GTF3C1: variants seen among roughly 807,000 people sequenced by gnomAD.
GTF3C1 encodes general transcription factor IIIC subunit 1.
Under a neutral mutation model 226.7 loss-of-function variants are expected in GTF3C1, and 57 were observed. That is an observed-to-expected ratio of 0.25 (90% confidence interval 0.20 to 0.31). The LOEUF is 0.31. GTF3C1 is among the 10% of genes least tolerant of loss of function. The pLI is 1.00. For synonymous variants in GTF3C1, 1,090 were observed against 1,084.8 expected (o/e 1.00, Z -0.09); for missense variants, 2,217 against 2,776.1 (o/e 0.80, Z 4.53).
At chr16:27,467,255 T>A (rs977867524) in intron 32 of GTF3C1, among the ~76,000 whole-genome samples, 20 of 152,228 alleles carry the variant, frequency 1.3e-4, no homozygotes, top group Non-Finnish European at 2.6e-4. Flanking sequence ...TCATTTCCCA[T>A]CCCCAAATTC....
Position 27,461,442 on chromosome 16 carries a change from T to A in GTF3C1, c.6238A>T (p.Met2080Leu). ...EVPSSLDESP[M>L]AFYEPTLDCT... is the part of the protein sequence containing the mutation. ...TCCAAGGTGGGCTCATAGAAAGCCA[T>A]GGGGCTCTCGTCCAGGCTGGAGGGC... The change falls in exon 37 of 37, where the codon ATG (methionine) becomes TTG (leucine). Residue 2080 changes from methionine to leucine, a missense_variant. Around this residue, in one of 12 missense-constraint regions of GTF3C1, gnomAD observed 153 missense variants for 199.8 expected, o/e 0.77. Coordinates refer to ENST00000356183, the MANE Select transcript of GTF3C1 (RefSeq NM_001520.4). This position sits in a 1 kb window ranked among gnomAD's most constrained non-coding sequence, Gnocchi z 5.3. 8 of 1,613,796 alleles carry A rather than the reference T, an allele frequency of 5.0e-6. No individual in the cohort carries two copies. The highest frequency in any genetic ancestry group is 6.8e-6 in the Non-Finnish European group (8 of 1,179,790).
chr16:27,543,642 C>G (rs1878128882), intron 2 of GTF3C1, among the ~76,000 whole-genome samples: 1 of 152,188 alleles, frequency 6.6e-6, no homozygotes, highest in African/African-American at 2.4e-5. Context: ...AAGTGATCCT[C>G]CTGCCTTGGC....
At chr16:27,477,460 C>T (rs1244710906) in intron 28 of GTF3C1, among the ~76,000 whole-genome samples, 7 of 152,262 alleles carry the variant, frequency 4.6e-5, no homozygotes, top group South Asian at 2.1e-4. Flanking sequence ...GCACCTGCCA[C>T]GCCCAGCTAA....
At chr16:27,546,924 A>G (rs2089172748) in intron 1 of GTF3C1, among the ~76,000 whole-genome samples, 2 of 151,460 alleles carry the variant, frequency 1.3e-5, no homozygotes, top group Non-Finnish European at 2.9e-5. Context: ...CTGCCACCAC[A>G]CCCAGCTAAT....
Position 27,497,737 on chromosome 16 carries a change from G to A in GTF3C1, c.2250C>T (p.Asp750=). The A allele has an allele frequency of 1.2e-6, 2 of 1,613,514 alleles. No individual in the cohort carries two copies. Among genetic ancestry groups the A allele is most frequent in the Non-Finnish European group, 1.7e-6 (2 of 1,179,414 alleles). Residue 750 remains aspartate, a synonymous_variant, in exon 14 of 37, where the codon GAC becomes GAT. Transcript: ENST00000356183. ...ATCTAGAGGAAGCACTCAGCTGAGA[G>A]TCCCCTGATCCACTTGGGCCCTCTT... ...QGKEGPSGSG[D]SQLSASSRSE...
chr16:27,506,552 G>A (rs1019773237), intron 9 of GTF3C1, among the ~76,000 whole-genome samples: 1 of 152,196 alleles, frequency 6.6e-6, no homozygotes, highest in Non-Finnish European at 1.5e-5. Flanking sequence ...ACTTGGAGGA[G>A]TCTTAGACTG....
At chr16:27,537,377 T>A (rs527528341) in intron 4 of GTF3C1, among the ~76,000 whole-genome samples, 76 of 152,336 alleles carry the variant, frequency 5.0e-4, no homozygotes, top group Middle Eastern at 3.4e-3. Flanking sequence ...TGCCATTTTT[T>A]AAAAAAGCTA....
intron 2 of GTF3C1, among the ~76,000 whole-genome samples, chr16:27,540,480 C>G (rs990974314): frequency 6.6e-6 from 1 of 152,234 alleles, no homozygotes; most frequent in African/African-American, 2.4e-5. Flanking sequence ...CTATCCTTCA[C>G]TGACATGATC....
rs1385534343 is a variant in GTF3C1, at chr16:27,489,752, C to A, written c.3152-9G>T. The A allele has an allele frequency of 6.2e-7, 1 of 1,609,380 alleles. No individual in the cohort carries two copies. The highest frequency in any genetic ancestry group is 8.5e-7 in the Non-Finnish European group (1 of 1,179,024). ...CGGGCAGCGCACCACGCCTGGAAAACCAAACATCAGGGTGACCAATCACGC... is the reference window on the plus strand; with the variant it reads ...CGGGCAGCGCACCACGCCTGGAAAAACAAACATCAGGGTGACCAATCACGC... On this transcript the variant is annotated splice_polypyrimidine_tract_variant and intron_variant, in intron 19 of 36. Transcript: ENST00000356183.
At chr16:27,472,782 A>G (rs1346096794) in intron 29 of GTF3C1, among the ~76,000 whole-genome samples, 3 of 152,154 alleles carry the variant, frequency 2.0e-5, no homozygotes, top group African/African-American at 4.8e-5. Flanking sequence ...TTTCCCCTCA[A>G]ATAACAAATC....
chr16:27,515,371 C>T (rs1485381652), intron 6 of GTF3C1, among the ~76,000 whole-genome samples: 1 of 152,000 alleles, frequency 6.6e-6, no homozygotes, highest in African/African-American at 2.4e-5. Flanking sequence ...ATTGCTTGAG[C>T]CCAGGAGTTT....
intron 6 of GTF3C1, among the ~76,000 whole-genome samples, chr16:27,522,920 C>A (rs1055994087): frequency 2.6e-5 from 4 of 152,058 alleles, no homozygotes; most frequent in Non-Finnish European, 5.9e-5. Flanking sequence ...TTCTGTATAC[C>A]GATCTTCTGT....
rs191067635 is a variant in GTF3C1, at chr16:27,462,964, C to T, written c.5925-478G>A. ...AGCCACCCGGGGCCCACGAGTGGGG[C>T]GGACCCAGAAGAGCTGGACACCAGG... is the stretch of plus-strand genomic sequence containing the variant. On this transcript the variant is annotated intron_variant, in intron 35 of 36. Coordinates refer to ENST00000356183, the MANE Select transcript of GTF3C1 (RefSeq NM_001520.4). This position sits in a 1 kb window ranked among gnomAD's most constrained non-coding sequence, Gnocchi z 4.5. 5.2e-5 allele frequency: 9 copies of T among 174,628 alleles called. No individual in the cohort carries two copies. The East Asian group carries it at 9.6e-4, about 19-fold the overall frequency. The allele number at this position is 174,628 out of a possible 1,614,324, so 10.8% of individuals were successfully genotyped here.
Position 27,491,287 on chromosome 16 carries a change from C to T in GTF3C1, c.3151+1051G>A, listed in dbSNP as rs376241436. ...ACTCCTCTTGGAGGTGCAAGCTGAA[C>T]GTGGCTTCCTTTCTCTCCTGGTAGA... On this transcript the variant is annotated intron_variant, in intron 19 of 36. Coordinates refer to ENST00000356183, the MANE Select transcript of GTF3C1 (RefSeq NM_001520.4). Among the ~76,000 whole-genome samples, 16 of 152,302 alleles carry T rather than the reference C, an allele frequency of 1.1e-4. 1 individual carries two copies. In the East Asian group the frequency reaches 1.4e-3, roughly 13 times the overall value.
intron 9 of GTF3C1, 71 bp from the exon 10 acceptor site, chr16:27,506,187 C>A: frequency 1.2e-6 from 1 of 832,526 alleles, no homozygotes; most frequent in Admixed American, 2.0e-5. Flanking sequence ...GGCAATCAGA[C>A]CAGACCCACA....
At chr16:27,549,230 A>G (rs1042411363) in intron 1 of GTF3C1, among the ~76,000 whole-genome samples, 4 of 152,122 alleles carry the variant, frequency 2.6e-5, no homozygotes, top group African/African-American at 9.7e-5. Context: ...ATTATCGCTA[A>G]TTGTCCTGAT....
chr16:27,482,686 C>A, intron 26 of GTF3C1: 1 of 457,184 alleles, frequency 2.2e-6, no homozygotes, highest in Non-Finnish European at 4.4e-6. Flanking sequence ...TGTCAGCCAC[C>A]GCCTTGGCCC....
Position 27,489,044 on chromosome 16 carries a change from T to C in GTF3C1, c.3428A>G (p.Lys1143Arg), listed in dbSNP as rs1217194267. Residue 1143 changes from lysine to arginine, a missense_variant and splice_region_variant, in exon 21 of 37, where the codon AAG becomes AGG. This residue lies in a region of GTF3C1 where 546 missense variants were observed against 663.0 expected (regional missense o/e 0.82). Transcript: ENST00000356183. Reference protein sequence around the residue: ...WTSYIINQAKKENTAAENGLT... With the variant: ...WTSYIINQAKRENTAAENGLT... ...TAGTCCGGTGTGACGCACACCCACC[T>C]TTTTGGCCTGGTTGATGATGTAGCT... 3 of 1,613,320 alleles carry C rather than the reference T, an allele frequency of 1.9e-6. No individual in the cohort carries two copies. The highest frequency in any genetic ancestry group is 1.7e-5 in the Admixed American group (1 of 60,020).
intron 6 of GTF3C1, among the ~76,000 whole-genome samples, chr16:27,521,341 A>G (rs1039144635): frequency 6.6e-6 from 1 of 152,238 alleles, no homozygotes; most frequent in African/African-American, 2.4e-5. Flanking sequence ...AGAAAATCTT[A>G]GGGCCTCTCC....
Sources: gnomAD v4.1 joint callset for allele counts (sites outside exome capture counted in the v4.1 genomes callset) on GRCh38, gnomAD v4.1.1 for gene constraint, gnomAD v4.1.1 regional missense constraint, Gnocchi (gnomAD v3.1) non-coding constraint, MANE v1.5 for transcripts, NCBI Gene and HGNC (gene_info 2026-07-23, HGNC 2026-07-21) for gene names.